Variants in ADCY9 observed in about 807,000 individuals in gnomAD.
ADCY9 encodes the protein adenylate cyclase type 9.
A neutral mutation model predicts 101.5 loss-of-function variants in ADCY9; 50 were observed. That is an observed-to-expected ratio of 0.49 (90% confidence interval 0.39 to 0.62). ADCY9 has a LOEUF of 0.62. Ranked by LOEUF, ADCY9 falls within the 20% of genes least tolerant of loss-of-function variation. The pLI, the probability that ADCY9 is intolerant of heterozygous loss-of-function variation, is 0.00. For missense variants in ADCY9, 1,662 were observed against 1,800.4 expected, an observed-to-expected ratio of 0.92 and a Z score of 1.39; for synonymous variants, 905 against 769.3, an observed-to-expected ratio of 1.18 and a Z score of -2.92.
chr16:4,028,780 CT>C (rs905746169), intron 2 of ADCY9, among the ~76,000 whole-genome samples: 1 of 151,614 alleles, frequency 6.6e-6, no homozygotes, highest in African/African-American at 2.4e-5. Flanking sequence ...TATCTATTTT[CT>C]TTTTTTCTTT....
At chr16:4,066,623 G>A (rs543383064) in intron 2 of ADCY9, among the ~76,000 whole-genome samples, 2 of 152,258 alleles carry the variant, frequency 1.3e-5, no homozygotes, top group Admixed American at 1.3e-4. Context: ...GGGCTCAGGT[G>A]ATCCTCCCGC....
intron 2 of ADCY9, among the ~76,000 whole-genome samples, chr16:4,042,290 C>G (rs758821086): frequency 6.6e-5 from 10 of 152,052 alleles, no homozygotes; most frequent in Non-Finnish European, 1.2e-4. Context: ...TGGTCTCAAA[C>G]TCTTGGGCTT....
At chr16:4,077,012 C>T (rs1413265633) in intron 2 of ADCY9, among the ~76,000 whole-genome samples, 1 of 149,972 alleles carries the variant, frequency 6.7e-6, no homozygotes, top group Non-Finnish European at 1.5e-5. Context: ...CAGAGGTGGA[C>T]GTTGCAGTGA....
chr16:4,079,621 G>C (rs910848205), intron 2 of ADCY9, among the ~76,000 whole-genome samples: 1 of 152,136 alleles, frequency 6.6e-6, no homozygotes, highest in Non-Finnish European at 1.5e-5. Context: ...GATTTAAGTG[G>C]AAAGGTATTC....
intron 2 of ADCY9, among the ~76,000 whole-genome samples, chr16:4,043,629 G>A (rs1321895761): frequency 6.6e-6 from 1 of 152,120 alleles, no homozygotes; most frequent in African/African-American, 2.4e-5. Flanking sequence ...GGCAGAGGTT[G>A]CAGTGAACCA....
chr16:4,097,551 ATATTTTTT>A (rs1228114425), intron 2 of ADCY9, among the ~76,000 whole-genome samples: 180 of 51,000 alleles, frequency 3.5e-3, no homozygotes, highest in Middle Eastern at 0.033. Flanking sequence ...ATATATATAT[ATATTTTTT>A]TTTTTTTTTT....
At chr16:4,015,119 T>A (rs1203252561) in intron 2 of ADCY9, among the ~76,000 whole-genome samples, 1 of 151,616 alleles carries the variant, frequency 6.6e-6, no homozygotes, top group Non-Finnish European at 1.5e-5. Context: ...TTTTTTGTAT[T>A]TTTAGTAGAG....
chr16:4,097,553 A>ATATATATATATATATATTTT (rs1382458827), intron 2 of ADCY9, among the ~76,000 whole-genome samples: 1 of 53,416 alleles, frequency 1.9e-5, no homozygotes, highest in African/African-American at 8.6e-5. Flanking sequence ...ATATATATAT[A>ATATATATATATATATATTTT]TTTTTTTTTT....
intron 7 of ADCY9, chr16:3,981,680 C>T (rs562673812): frequency 6.6e-6 from 1 of 152,244 alleles, no homozygotes; most frequent in East Asian, 1.9e-4. Context: ...GCAATCTCCA[C>T]CTCCTGGGTT....
At position 3,977,592 on chromosome 16, in the gene ADCY9, G is replaced by A. The variant is rs373556046; in HGVS notation, c.2718C>T (p.Val906=). The A allele has an allele frequency of 5.5e-5, 88 of 1,612,404 alleles. No individual in the cohort carries two copies. The highest frequency in any genetic ancestry group is 2.4e-4 in the South Asian group (22 of 90,836). Residue 906 remains valine, a synonymous_variant, in exon 9 of 11, where the codon GTC becomes GTT. Transcript: ENST00000294016. ...GCTGGCAGAAGTTACAGTAGTGCACGACGGCAATCAGCGCGGCCGAGCCTG... is the reference window on the plus strand; with the variant it reads ...GCTGGCAGAAGTTACAGTAGTGCACAACGGCAATCAGCGCGGCCGAGCCTG... The part of the protein sequence containing the change: ...VFTGSAALIA[V]VHYCNFCQLS...
chr16:4,073,080 A>C (rs2056845128), intron 2 of ADCY9, among the ~76,000 whole-genome samples: 1 of 151,590 alleles, frequency 6.6e-6, no homozygotes, highest in African/African-American at 2.4e-5. Context: ...TCTCCTTGGT[A>C]TGAAATTTTT....
chr16:3,989,249 C>T (rs2056224052), intron 5 of ADCY9, among the ~76,000 whole-genome samples, 153 bp from the exon 6 acceptor site: 1 of 152,164 alleles, frequency 6.6e-6, no homozygotes, highest in African/African-American at 2.4e-5. Context: ...ACTCAGCTGC[C>T]CCTTGTTAAA....
chr16:4,103,845 G>GA (rs751289525), intron 2 of ADCY9, among the ~76,000 whole-genome samples: 3 of 151,614 alleles, frequency 2.0e-5, no homozygotes, highest in Non-Finnish European at 4.4e-5. Flanking sequence ...ACAGAAAAAA[G>GA]AAAAAAAAGA....
At chr16:3,986,835 A>T (rs1269846424) in intron 6 of ADCY9, among the ~76,000 whole-genome samples, 1 of 152,148 alleles carries the variant, frequency 6.6e-6, no homozygotes, top group Non-Finnish European at 1.5e-5. Flanking sequence ...GCCTCAAGTG[A>T]TCCTCCTGCC....
At chr16:4,109,202 C>A (rs1372337378) in intron 2 of ADCY9, among the ~76,000 whole-genome samples, 1 of 151,892 alleles carries the variant, frequency 6.6e-6, no homozygotes, top group African/African-American at 2.4e-5. Context: ...CCTGTTGTCC[C>A]CTCTATTAGA....
chr16:3,995,165 C>T (rs1031266547), intron 3 of ADCY9, among the ~76,000 whole-genome samples: 3 of 152,006 alleles, frequency 2.0e-5, no homozygotes, highest in South Asian at 2.1e-4. Flanking sequence ...CTGGGTGTGG[C>T]GGCTGTAATC....
intron 2 of ADCY9, among the ~76,000 whole-genome samples, chr16:4,048,187 A>G (rs956705948): frequency 6.6e-6 from 1 of 152,248 alleles, no homozygotes; most frequent in South Asian, 2.1e-4. Context: ...ATTGTCAGAC[A>G]TACAAAAAAG....
At chr16:4,091,176 C>T (rs560396143) in intron 2 of ADCY9, among the ~76,000 whole-genome samples, 4 of 152,288 alleles carry the variant, frequency 2.6e-5, no homozygotes, top group African/African-American at 9.6e-5. Context: ...CAGGTTCAAG[C>T]GATTCTCCTG....
chr16:4,050,657 G>T (rs1211918849), intron 2 of ADCY9, among the ~76,000 whole-genome samples: 2 of 134,940 alleles, frequency 1.5e-5, no homozygotes, highest in East Asian at 4.6e-4. Context: ...AGGTTGCGGT[G>T]AGCCAAGTTC....
Sources: gnomAD v4.1 joint callset for allele counts (sites outside exome capture counted in the v4.1 genomes callset) on GRCh38, gnomAD v4.1.1 for gene constraint, MANE v1.5 for transcripts, NCBI Gene and HGNC (gene_info 2026-07-23, HGNC 2026-07-21) for gene names.